CSMD3: variants seen among roughly 807,000 people sequenced by gnomAD.
CSMD3 encodes the protein CUB and Sushi multiple domains 3.
Under a neutral mutation model 435.2 loss-of-function variants are expected in CSMD3, and 177 were observed. The ratio of observed to expected loss-of-function variants is 0.41; its 90% CI spans 0.36 to 0.46. The LOEUF (loss-of-function observed/expected upper bound fraction) is 0.46. CSMD3 is among the 20% of genes least tolerant of loss of function. The pLI, the probability that CSMD3 is intolerant of heterozygous loss-of-function variation, is 0.34. For missense variants in CSMD3, 4,265 were observed against 4,504.6 expected (o/e 0.95, Z 1.52); for synonymous variants, 1,656 against 1,520.5 (o/e 1.09, Z -2.07).
chr8:112,954,901 T>A (rs945558517), intron 7 of CSMD3, 140 bp from the exon 8 acceptor site: 1 of 625,194 alleles, frequency 1.6e-6, no homozygotes, highest in Non-Finnish European at 2.8e-6. Flanking sequence ...CCAGAAGAAT[T>A]TTTTTTAAAG....
intron 38 of CSMD3, among the ~76,000 whole-genome samples, chr8:112,371,187 G>C (rs73700677): frequency 6.6e-6 from 1 of 152,040 alleles, no homozygotes; most frequent in Non-Finnish European, 1.5e-5. Context: ...CACGCTGCTG[G>C]GCAGAGAAAT....
At chr8:112,321,240 C>T (rs1268207037) in intron 45 of CSMD3, among the ~76,000 whole-genome samples, 1 of 152,098 alleles carries the variant, frequency 6.6e-6, no homozygotes, top group Non-Finnish European at 1.5e-5. Context: ...GAGAATGAGA[C>T]TCAAAATACA....
intron 3 of CSMD3, among the ~76,000 whole-genome samples, chr8:113,190,033 T>C (rs1588238611): frequency 1.3e-5 from 2 of 148,168 alleles, no homozygotes; most frequent in South Asian, 4.3e-4. Flanking sequence ...AAATTTATAA[T>C]TTTTTTTTAT....
intron 36 of CSMD3, among the ~76,000 whole-genome samples, 162 bp from the exon 37 acceptor site, chr8:112,383,825 A>T (rs16883506): frequency 0.2 from 30,946 of 152,054 alleles, 3,713 homozygotes; most frequent in East Asian, 0.39. Flanking sequence ...CCATTATTGC[A>T]CTGGCTTACA....
intron 1 of CSMD3, among the ~76,000 whole-genome samples, chr8:113,422,746 G>A (rs1345554627): frequency 6.6e-6 from 1 of 151,888 alleles, no homozygotes. Context: ...GTGTAAGAGA[G>A]AGACGAAAAA....
chr8:112,986,635 T>A (rs1012639172), intron 6 of CSMD3, among the ~76,000 whole-genome samples: 2 of 152,026 alleles, frequency 1.3e-5, no homozygotes, highest in East Asian at 1.9e-4. Flanking sequence ...GAGGAAAAAA[T>A]TCATATTGAG....
At chr8:112,380,492 CATA>C (rs773145901) in intron 37 of CSMD3, 36 bp from the exon 38 acceptor site, 4 of 997,598 alleles carry the variant, frequency 4.0e-6, no homozygotes, top group Middle Eastern at 2.1e-4. Context: ...ACAATGACCA[CATA>C]ATAAGTACTA....
chr8:112,809,452 A>G (rs1029693626), intron 12 of CSMD3, among the ~76,000 whole-genome samples: 13 of 152,212 alleles, frequency 8.5e-5, no homozygotes, highest in African/African-American at 1.9e-4. Context: ...AATTTTCTAG[A>G]TAAGTAATTT....
At chr8:112,943,135 A>T (rs1340725258) in intron 9 of CSMD3, among the ~76,000 whole-genome samples, 1 of 151,566 alleles carries the variant, frequency 6.6e-6, no homozygotes. Flanking sequence ...TTCTTTGGTG[A>T]CAATTCTGTT....
At chr8:112,834,122 A>G (rs993953232) in intron 11 of CSMD3, among the ~76,000 whole-genome samples, 3 of 151,924 alleles carry the variant, frequency 2.0e-5, no homozygotes, top group African/African-American at 4.8e-5. Context: ...AGACTCATGC[A>G]TGTATGTATG....
intron 58 of CSMD3, among the ~76,000 whole-genome samples, chr8:112,284,956 C>G (rs1227597388): frequency 6.6e-6 from 1 of 151,850 alleles, no homozygotes; most frequent in Non-Finnish European, 1.5e-5. Flanking sequence ...AATATTTAAT[C>G]ATAATTTTTT....
intron 6 of CSMD3, among the ~76,000 whole-genome samples, chr8:113,017,087 CCT>C (rs1402017224): frequency 6.6e-6 from 1 of 151,932 alleles, no homozygotes; most frequent in Non-Finnish European, 1.5e-5. Flanking sequence ...CACTGCATTT[CCT>C]CTGTTATATC....
At chr8:112,517,353 T>G in intron 27 of CSMD3, 128 bp from the exon 28 acceptor site, 1 of 635,084 alleles carries the variant, frequency 1.6e-6, no homozygotes, top group Non-Finnish European at 2.7e-6. Flanking sequence ...CAATAAACAC[T>G]TTCTCCATAT....
intron 6 of CSMD3, among the ~76,000 whole-genome samples, chr8:112,984,994 T>TGATAGATAGATAGATAGATAGATA (rs71309797): frequency 3.4e-5 from 5 of 148,310 alleles, no homozygotes; most frequent in East Asian, 2.0e-4. Context: ...TGATAGATTA[T>TGATAGATAGATAGATAGATAGATA]GATAGATAGA....
At chr8:112,340,824 A>G (rs558063830) in intron 42 of CSMD3, among the ~76,000 whole-genome samples, 18 of 152,272 alleles carry the variant, frequency 1.2e-4, no homozygotes, top group African/African-American at 4.3e-4. Context: ...CTGAAAGTAT[A>G]ATTAACTCCA....
At chr8:112,450,221 T>C (rs1816104534) in intron 32 of CSMD3, among the ~76,000 whole-genome samples, 2 of 152,162 alleles carry the variant, frequency 1.3e-5, no homozygotes, top group African/African-American at 4.8e-5. Flanking sequence ...ATACTTGAGA[T>C]TGGAAGTCAG....
At chr8:113,021,559 C>T (rs1313326179) in intron 5 of CSMD3, among the ~76,000 whole-genome samples, 1 of 152,066 alleles carries the variant, frequency 6.6e-6, no homozygotes, top group East Asian at 1.9e-4. Flanking sequence ...AGATGACCCC[C>T]TAAAAGACCC....
chr8:112,580,665 A>T (rs1830275160), intron 23 of CSMD3, among the ~76,000 whole-genome samples: 1 of 152,050 alleles, frequency 6.6e-6, no homozygotes, highest in African/African-American at 2.4e-5. Context: ...GCAGAGCAGA[A>T]TATACTACAG....
At chr8:112,929,157 G>C (rs1372244514) in intron 9 of CSMD3, among the ~76,000 whole-genome samples, 3 of 142,082 alleles carry the variant, frequency 2.1e-5, no homozygotes, top group Non-Finnish European at 4.5e-5. Context: ...TTGTAAATTT[G>C]TTTGAGTTCA....
Sources: allele counts gnomAD v4.1 joint callset (sites outside exome capture counted in the v4.1 genomes callset), GRCh38; gene constraint gnomAD v4.1.1; transcripts MANE v1.5; gene names NCBI Gene and HGNC (gene_info 2026-07-23, HGNC 2026-07-21).